Variants in SMAD2 observed in about 807,000 individuals in gnomAD.
SMAD2 encodes the protein SMAD family member 2, also known as MAD homolog 2.
In SMAD2, 8 loss-of-function variants were observed where a neutral mutation model predicts 64.4. The observed-to-expected ratio is 0.12, with a 90% CI of 0.07 to 0.22. The LOEUF (loss-of-function observed/expected upper bound fraction) is 0.22, where lower values mean the gene tolerates loss of function less well. SMAD2 is among the 10% of genes least tolerant of loss of function. The pLI is 1.00. For missense variants in SMAD2, 289 were observed against 561.2 expected, an observed-to-expected ratio of 0.51 and a Z score of 4.90; for synonymous variants, 203 against 195.8, an observed-to-expected ratio of 1.04 and a Z score of -0.31.
chr18:47,903,195 A>G (rs2033757735), intron 1 of SMAD2, among the ~76,000 whole-genome samples: 1 of 152,206 alleles, frequency 6.6e-6, no homozygotes, highest in African/African-American at 2.4e-5. Context: ...GCGGTAGGAC[A>G]GGAAAGATGA....
chr18:47,889,555 A>G (rs1415195957), intron 2 of SMAD2, among the ~76,000 whole-genome samples: 7 of 152,070 alleles, frequency 4.6e-5, no homozygotes, highest in African/African-American at 1.4e-4. Flanking sequence ...GCGGATCACG[A>G]GGTCAGGAGA....
chr18:47,843,122 A>T (rs771741955), intron 10 of SMAD2, among the ~76,000 whole-genome samples: 1 of 152,162 alleles, frequency 6.6e-6, no homozygotes, highest in Admixed American at 6.5e-5. Flanking sequence ...ACAACTTCCA[A>T]CTGCAGGTAT....
chr18:47,889,929 G>A (rs1279521933), intron 2 of SMAD2, among the ~76,000 whole-genome samples: 1 of 152,190 alleles, frequency 6.6e-6, no homozygotes, highest in Non-Finnish European at 1.5e-5. Context: ...TGCATCAGGT[G>A]TTACATGATA....
chr18:47,891,071 G>C (rs1244215653), intron 2 of SMAD2, among the ~76,000 whole-genome samples: 1 of 152,286 alleles, frequency 6.6e-6, no homozygotes, highest in South Asian at 2.1e-4. Flanking sequence ...TTGGGAGGCC[G>C]AGGCGGGCGG....
At chr18:47,906,229 G>T (rs558606453) in intron 1 of SMAD2, among the ~76,000 whole-genome samples, 1 of 152,014 alleles carries the variant, frequency 6.6e-6, no homozygotes, top group South Asian at 2.1e-4. Flanking sequence ...GTACCAACAT[G>T]ACACCCCCAA....
chr18:47,903,921 G>C (rs374198370), intron 1 of SMAD2, among the ~76,000 whole-genome samples: 28 of 150,790 alleles, frequency 1.9e-4, no homozygotes, highest in African/African-American at 6.8e-4. Flanking sequence ...ATGTCAGTTG[G>C]GTTTAATTGG....
At chr18:47,850,583 A>ATATTATATATATTATGTATAATATATAT (rs1915301992) in intron 7 of SMAD2, among the ~76,000 whole-genome samples, 4 of 46,898 alleles carry the variant, frequency 8.5e-5, no homozygotes, top group Non-Finnish European at 1.3e-4. Flanking sequence ...TATATATTAT[A>ATATTATATATATTATGTATAATATATAT]TATATATTAT....
At chr18:47,848,929 T>G (rs1914804887) in intron 7 of SMAD2, among the ~76,000 whole-genome samples, 1 of 152,180 alleles carries the variant, frequency 6.6e-6, no homozygotes. Context: ...CCCATGTCAT[T>G]AAATCACTTT....
At chr18:47,896,478 C>G (rs760158073) in intron 2 of SMAD2, 43 bp downstream of exon 2, 1 of 1,598,502 alleles carries the variant, frequency 6.3e-7, no homozygotes, top group East Asian at 2.2e-5. Flanking sequence ...CCTTCAGATT[C>G]CTTGACATAA....
intron 1 of SMAD2, among the ~76,000 whole-genome samples, chr18:47,929,988 C>CAA (rs1283598205): frequency 6.9e-6 from 1 of 144,940 alleles, no homozygotes; most frequent in Non-Finnish European, 1.5e-5. Flanking sequence ...GTTACGAGAC[C>CAA]AAAAAAAAAA....
At position 47,834,099 on chromosome 18, in the gene SMAD2, T is replaced by A. The variant is rs1225216390; in HGVS notation, c.*7728A>T. 4.7e-6 allele frequency: 1 copy of A among 214,380 alleles called. No homozygotes were observed. Among genetic ancestry groups the A allele is most frequent in the Non-Finnish European group, 9.4e-6 (1 of 106,326 alleles). The allele number at this position is 214,380 out of a possible 1,614,324, so 13.3% of individuals were successfully genotyped here. ...CTCATGTTCCATTCAAAGTACTAAATGACTGGATGGCACATATCCCAATAA... is the reference window on the plus strand; with the variant it reads ...CTCATGTTCCATTCAAAGTACTAAAAGACTGGATGGCACATATCCCAATAA... On this transcript the variant is annotated 3_prime_UTR_variant, in exon 11 of 11. Coordinates refer to ENST00000262160, the MANE Select transcript of SMAD2 (RefSeq NM_005901.6).
At chr18:47,914,257 T>C (rs2144523096) in intron 1 of SMAD2, among the ~76,000 whole-genome samples, 1 of 152,324 alleles carries the variant, frequency 6.6e-6, no homozygotes, top group African/African-American at 2.4e-5. Context: ...TGTTGTCTTT[T>C]GGAACACACA....
At chr18:47,852,683 T>C (rs2030236249) in intron 6 of SMAD2, among the ~76,000 whole-genome samples, 1 of 152,184 alleles carries the variant, frequency 6.6e-6, no homozygotes, top group African/African-American at 2.4e-5. Flanking sequence ...AAGGGTGACT[T>C]GTTCAGATAG....
intron 2 of SMAD2, among the ~76,000 whole-genome samples, chr18:47,885,822 C>T (rs2032871984): frequency 6.6e-6 from 1 of 152,070 alleles, no homozygotes; most frequent in Admixed American, 6.6e-5. Flanking sequence ...ATTAGCCTAG[C>T]ATGGTGGCAC....
chr18:47,914,857 G>A (rs1598888420), intron 1 of SMAD2, among the ~76,000 whole-genome samples: 1 of 152,146 alleles, frequency 6.6e-6, no homozygotes, highest in East Asian at 1.9e-4. Context: ...AATCCTATAG[G>A]ATTTTGATTG....
In SMAD2 at chr18:47,819,860, T is replaced by C. The variant is rs1001902787; in HGVS notation, c.*21967A>G. The C allele has an allele frequency of 6.8e-6, 1 of 147,026 alleles. No individual in the cohort carries two copies. Among genetic ancestry groups the C allele is most frequent in the Non-Finnish European group, 1.5e-5 (1 of 67,230 alleles). 9.1% of individuals were successfully genotyped at this position (147,026 alleles called of 1,614,324 possible). ...CGGGATAAGCAAGGGTGAGACATGG[T>C]GGTATGCAGGTATGCATCTATAGTT... On this transcript the variant is annotated 3_prime_UTR_variant, in exon 11 of 11. Transcript: ENST00000262160.
rs191370221 is a variant in SMAD2 at position 47,925,787 on chromosome 18, T to C, written c.-54+4574A>G. Reference sequence around the variant, plus strand: ...TACAAGGTCACCAATAATTATCTGATGGTGTAGATGGTTTAAGAAGTAACC... The same window carrying C: ...TACAAGGTCACCAATAATTATCTGACGGTGTAGATGGTTTAAGAAGTAACC... On this transcript the variant is annotated intron_variant, in intron 1 of 10. Coordinates refer to ENST00000262160, the MANE Select transcript of SMAD2 (RefSeq NM_005901.6). 4.6e-5 allele frequency among the ~76,000 whole-genome samples: 7 copies of C among 152,310 alleles called. No homozygotes were observed. The East Asian group carries it at 1.3e-3, about 29-fold the overall frequency.
At chr18:47,911,984 G>A (rs761457180) in intron 1 of SMAD2, among the ~76,000 whole-genome samples, 4 of 152,092 alleles carry the variant, frequency 2.6e-5, no homozygotes, top group Admixed American at 1.3e-4. Context: ...TACAGACACC[G>A]TAGTATCATG....
At chr18:47,902,842 G>A (rs2033740213) in intron 1 of SMAD2, among the ~76,000 whole-genome samples, 1 of 152,136 alleles carries the variant, frequency 6.6e-6, no homozygotes, top group Non-Finnish European at 1.5e-5. Context: ...TCTCTTTCCT[G>A]GTGGAGCGGC....
Sources: gnomAD v4.1 joint callset for allele counts (sites outside exome capture counted in the v4.1 genomes callset) on GRCh38, gnomAD v4.1.1 for gene constraint, MANE v1.5 for transcripts, NCBI Gene and HGNC (gene_info 2026-07-23, HGNC 2026-07-21) for gene names.